Variants in KIRREL3 observed in about 807,000 individuals in gnomAD.
The protein encoded by KIRREL3 is kirre like nephrin family adhesion molecule 3.
KIRREL3 carries 36 observed loss-of-function variants against 89.7 expected under a neutral mutation model. That is an observed-to-expected ratio of 0.40 (90% CI 0.31 to 0.53). The LOEUF is 0.53. Among genes scored for constraint, KIRREL3 ranks in the 20% least tolerant of loss-of-function variants. The pLI is 0.49. For synonymous variants in KIRREL3, 445 were observed against 441.4 expected (o/e 1.01, Z -0.10); for missense variants, 864 against 1,056.6 (o/e 0.82, Z 2.53).
chr11:126,528,758 GGA>G lies in KIRREL3; in HGVS notation c.134-2073_134-2072del, dbSNP rs1958844646. On this transcript the variant is annotated intron_variant, in intron 2 of 16. Transcript: ENST00000525144. The surrounding 1 kb of genome is among the most constrained non-coding windows in gnomAD (Gnocchi z 4.6). Reference sequence around the variant, plus strand: ...GAGAAGGGGAGAGGAGGGAGGGACTGGAGAGAGAGCAAAGGAGTGAAGTGAGG... The same window carrying G: ...GAGAAGGGGAGAGGAGGGAGGGACTGGAGAGAGCAAAGGAGTGAAGTGAGG... Among the ~76,000 whole-genome samples the G allele has an allele frequency of 6.6e-6, 1 of 150,526 alleles. No homozygotes were observed. Among genetic ancestry groups the G allele is most frequent in the East Asian group, 2.0e-4 (1 of 5,010 alleles).
intron 1 of KIRREL3, among the ~76,000 whole-genome samples, chr11:126,733,226 C>T (rs184477729): frequency 1.7e-3 from 264 of 152,278 alleles, no homozygotes; most frequent in African/African-American, 5.5e-3. Context: ...GAGATGGTAA[C>T]GAGGCCTGGG....
chr11:126,809,063 A>G (rs902522546), intron 1 of KIRREL3, among the ~76,000 whole-genome samples: 2 of 152,196 alleles, frequency 1.3e-5, no homozygotes, highest in African/African-American at 2.4e-5. Flanking sequence ...GGCCTCTAAT[A>G]ATAAACCCGC....
chr11:126,922,688 A>G (rs1947400911), intron 1 of KIRREL3, among the ~76,000 whole-genome samples: 1 of 151,568 alleles, frequency 6.6e-6, no homozygotes, highest in African/African-American at 2.4e-5. Flanking sequence ...CACCCTAAAA[A>G]CAAATAAAAA....
chr11:126,562,853 A>T lies in KIRREL3; in HGVS notation c.115T>A (p.Phe39Ile). The change falls in exon 2 of 17, where the codon TTT becomes ATT. Residue 39 changes from phenylalanine to isoleucine, a missense_variant. By Grantham distance (21) the Phe-to-Ile change is conservative (BLOSUM62 0). Coordinates refer to ENST00000525144, the MANE Select transcript of KIRREL3 (RefSeq NM_032531.4). The surrounding 1 kb of genome is among the most constrained non-coding windows in gnomAD (Gnocchi z 4.7). ...CACTGACCTTCATTCATTCTCCGAA[A>T]CTTGTCCTTGGCCATGTAGCCCAGC... Reference protein sequence around the residue: ...LVLGYMAKDKFRRMNEGQVYS... With the variant: ...LVLGYMAKDKIRRMNEGQVYS... The T allele has an allele frequency of 6.2e-7, 1 of 1,613,786 alleles. No individual in the cohort carries two copies. Among genetic ancestry groups the T allele is most frequent in the Non-Finnish European group, 8.5e-7 (1 of 1,179,802 alleles).
chr11:126,880,400 C>T (rs1405501408), intron 1 of KIRREL3, among the ~76,000 whole-genome samples: 2 of 152,188 alleles, frequency 1.3e-5, no homozygotes, highest in African/African-American at 4.8e-5. Context: ...ACCCTGCAAT[C>T]ATTTGTGCCT....
rs1472572742 is a variant in KIRREL3, at chr11:126,562,710, G to T, written c.133+125C>A. On this transcript the variant is annotated intron_variant, in intron 2 of 16. Coordinates refer to ENST00000525144, the MANE Select transcript of KIRREL3 (RefSeq NM_032531.4). This position sits in a 1 kb window ranked among gnomAD's most constrained non-coding sequence, Gnocchi z 4.7. The stretch of plus-strand genomic sequence containing the variant: ...AAATGGCTTCATGGAAACCAAACTG[G>T]TCTTCCCACTGTCCCCTTCTGAGAG... 5.8e-6 allele frequency: 4 copies of T among 685,270 alleles called. No homozygotes were observed. Among genetic ancestry groups the T allele is most frequent in the Non-Finnish European group, 9.9e-6 (4 of 404,752 alleles). 42.4% of individuals were successfully genotyped at this position (685,270 alleles called of 1,614,324 possible). A position where few individuals can be genotyped will look rare whatever the true frequency, so the allele number is the denominator to read the frequency against.
rs75875041 is a variant in KIRREL3 at position 126,584,677 on chromosome 11, C to G, written c.56-21765G>C. Among the ~76,000 whole-genome samples, 105 of 152,268 alleles carry G rather than the reference C, an allele frequency of 6.9e-4. 1 individual carries two copies. In the East Asian group the frequency reaches 0.018, roughly 27 times the overall value. On this transcript the variant is annotated intron_variant, in intron 1 of 16. Transcript: ENST00000525144. ...CTACCAGCTTCTCTCTGGTGTCTAA[C>G]TGGACTGAAGGTGAAGCAGGTGGGG...
intron 2 of KIRREL3, among the ~76,000 whole-genome samples, chr11:126,539,073 AC>A (rs928105458): frequency 6.6e-6 from 1 of 152,064 alleles, no homozygotes; most frequent in African/African-American, 2.4e-5. Context: ...TTGATCTCTG[AC>A]CCTGCCATTA....
intron 1 of KIRREL3, among the ~76,000 whole-genome samples, chr11:126,737,260 A>C (rs1258363340): frequency 2.0e-5 from 3 of 151,750 alleles, no homozygotes; most frequent in Non-Finnish European, 4.4e-5. Context: ...CCTGGGGCTC[A>C]GGAAGGGGGC....
In KIRREL3 at chr11:126,995,492, A is replaced by G. The variant is rs1950158199; in HGVS notation, c.55+4963T>C. On this transcript the variant is annotated intron_variant, in intron 1 of 16. Coordinates refer to ENST00000525144, the MANE Select transcript of KIRREL3 (RefSeq NM_032531.4). This position sits in a 1 kb window ranked among gnomAD's most constrained non-coding sequence, Gnocchi z 6.5. ...AAGGTCATCTCGACAATTTACAAGG[A>G]TAAGGATTGTAGCTGCAAAATAATG... The G allele has an allele frequency of 2.7e-6, 1 of 368,688 alleles. No homozygotes were observed. Among genetic ancestry groups the G allele is most frequent in the South Asian group, 2.0e-5 (1 of 48,890 alleles). 22.8% of individuals were successfully genotyped at this position (368,688 alleles called of 1,614,324 possible). A position where few individuals can be genotyped will look rare whatever the true frequency, so the allele number is the denominator to read the frequency against.
chr11:126,657,358 G>C (rs1342243232), intron 1 of KIRREL3, among the ~76,000 whole-genome samples: 1 of 152,176 alleles, frequency 6.6e-6, no homozygotes, highest in Non-Finnish European at 1.5e-5. Flanking sequence ...TAGTGGGCCA[G>C]TTCCAAAAAA....
In KIRREL3 at chr11:126,612,572, A is replaced by G. The variant is rs933408121; in HGVS notation, c.56-49660T>C. Among the ~76,000 whole-genome samples, 3 of 152,148 alleles carry G rather than the reference A, an allele frequency of 2.0e-5. No individual in the cohort carries two copies. Among genetic ancestry groups the G allele is most frequent in the East Asian group, 3.8e-4 (2 of 5,200 alleles). On this transcript the variant is annotated intron_variant, in intron 1 of 16. Transcript: ENST00000525144. The surrounding 1 kb of genome is among the most constrained non-coding windows in gnomAD (Gnocchi z 4.5). ...AATAGACAGTTCAGTAGTTTTAAGT[A>G]TATTTACAACATTTTGCAACCATGG...
At chr11:126,509,176 G>C (rs1171155237) in intron 4 of KIRREL3, among the ~76,000 whole-genome samples, 1 of 152,150 alleles carries the variant, frequency 6.6e-6, no homozygotes, top group Non-Finnish European at 1.5e-5. Context: ...TTTTTGCTCT[G>C]ACATCATGCC....
rs1951179265 is a variant in KIRREL3 at position 126,805,594 on chromosome 11, T to G, written c.55+194861A>C. Among the ~76,000 whole-genome samples the G allele has an allele frequency of 6.6e-6, 1 of 152,228 alleles. No individual in the cohort carries two copies. Among genetic ancestry groups the G allele is most frequent in the South Asian group, 2.1e-4 (1 of 4,828 alleles). On this transcript the variant is annotated intron_variant, in intron 1 of 16. Coordinates refer to ENST00000525144, the MANE Select transcript of KIRREL3 (RefSeq NM_032531.4). The surrounding 1 kb of genome is among the most constrained non-coding windows in gnomAD (Gnocchi z 4.3). ...TAATGAATAAATTAAACAAGGCTTTTCCACTCTATCATCTTGTCACCTGAA... is the reference window on the plus strand; with the variant it reads ...TAATGAATAAATTAAACAAGGCTTTGCCACTCTATCATCTTGTCACCTGAA...
At chr11:126,545,903 A>G (rs1289690032) in intron 2 of KIRREL3, among the ~76,000 whole-genome samples, 4 of 152,090 alleles carry the variant, frequency 2.6e-5, no homozygotes, top group Non-Finnish European at 4.4e-5. Context: ...TTAATGTAGA[A>G]CTCAGGGTTT....
At chr11:126,510,433 CTT>C (rs1958181535) in intron 4 of KIRREL3, among the ~76,000 whole-genome samples, 1 of 145,198 alleles carries the variant, frequency 6.9e-6, no homozygotes, top group African/African-American at 2.6e-5. Flanking sequence ...TCCTTCCTTC[CTT>C]CCTTCCTTCC....
chr11:126,892,616 A>T lies in KIRREL3; in HGVS notation c.55+107839T>A, dbSNP rs1031816649. Among the ~76,000 whole-genome samples the T allele has an allele frequency of 6.6e-6, 1 of 152,156 alleles. No individual in the cohort carries two copies. On this transcript the variant is annotated intron_variant, in intron 1 of 16. Transcript: ENST00000525144. This position sits in a 1 kb window ranked among gnomAD's most constrained non-coding sequence, Gnocchi z 5.4. ...CGTGTGTGTGCATGTGCACGTGTGT[A>T]TGTATTATGTGTGTGTGTTTCCGGT...
chr11:126,677,442 C>G lies in KIRREL3; in HGVS notation c.56-114530G>C, dbSNP rs762490725. On this transcript the variant is annotated intron_variant, in intron 1 of 16. Transcript: ENST00000525144. This position sits in a 1 kb window ranked among gnomAD's most constrained non-coding sequence, Gnocchi z 5.1. ...TGGCATAGTCTGGGTGCTTTGCTATCTATTATCTCCTCTAATTCTCACCAC... is the reference window on the plus strand; with the variant it reads ...TGGCATAGTCTGGGTGCTTTGCTATGTATTATCTCCTCTAATTCTCACCAC... 1.3e-5 allele frequency among the ~76,000 whole-genome samples: 2 copies of G among 152,186 alleles called. No homozygotes were observed. The highest frequency in any genetic ancestry group is 2.9e-5 in the Non-Finnish European group (2 of 68,036).
chr11:126,900,521 GT>G lies in KIRREL3; in HGVS notation c.55+99933del, dbSNP rs1946332419. 6.6e-6 allele frequency among the ~76,000 whole-genome samples: 1 copy of G among 152,160 alleles called. No individual in the cohort carries two copies. Among genetic ancestry groups the G allele is most frequent in the Non-Finnish European group, 1.5e-5 (1 of 68,036 alleles). ...TAATTAAACAATAATTTCTTTGTGA[GT>G]GCTGGACTTCTGAGGCCTGTTTTCT... On this transcript the variant is annotated intron_variant, in intron 1 of 16. Coordinates refer to ENST00000525144, the MANE Select transcript of KIRREL3 (RefSeq NM_032531.4). This position sits in a 1 kb window ranked among gnomAD's most constrained non-coding sequence, Gnocchi z 4.4.
Sources: allele counts gnomAD v4.1 joint callset (sites outside exome capture counted in the v4.1 genomes callset), GRCh38; gene constraint gnomAD v4.1.1; non-coding constraint Gnocchi (gnomAD v3.1); transcripts MANE v1.5; gene names NCBI Gene and HGNC (gene_info 2026-07-23, HGNC 2026-07-21).